Variants in RBM39 observed in about 807,000 individuals in gnomAD.
RBM39 encodes the protein RNA-binding protein 39.
RBM39 carries 12 observed loss-of-function variants against 79.6 expected under a neutral mutation model. That is an observed-to-expected ratio of 0.15 (90% confidence interval 0.10 to 0.24). The LOEUF (loss-of-function observed/expected upper bound fraction) is 0.24. Ranked by LOEUF, RBM39 falls within the 10% of genes least tolerant of loss-of-function variation. The pLI, the probability that RBM39 is intolerant of heterozygous loss-of-function variation, is 1.00. For missense variants in RBM39, 243 were observed against 653.4 expected (o/e 0.37, Z 6.85); for synonymous variants, 185 against 208.4 (o/e 0.89, Z 0.97).
intron 4 of RBM39, 126 bp from the exon 5 acceptor site, chr20:35,729,653 A>C: frequency 1.2e-6 from 1 of 802,848 alleles, no homozygotes; most frequent in Non-Finnish European, 2.0e-6. Context: ...TATGAAGAGG[A>C]AACAAAAATA....
chr20:35,739,913 A>C (rs781673118), intron 2 of RBM39: 4 of 165,584 alleles, frequency 2.4e-5, no homozygotes, highest in Non-Finnish European at 5.3e-5. Context: ...GTGCTAACTT[A>C]CAAAGCTTAC....
At chr20:35,729,784 C>A (rs2146672275) in intron 4 of RBM39, among the ~76,000 whole-genome samples, 1 of 151,750 alleles carries the variant, frequency 6.6e-6, no homozygotes. Flanking sequence ...AATGCACACA[C>A]CCATTTTCAG....
intron 3 of RBM39, 76 bp downstream of exon 3, chr20:35,738,892 C>T: frequency 2.3e-6 from 3 of 1,294,920 alleles, no homozygotes. Flanking sequence ...TATACTTTAG[C>T]CACAGGAACA....
At chr20:35,709,492 T>C (rs78361093) in intron 12 of RBM39, among the ~76,000 whole-genome samples, 10,651 of 152,164 alleles carry the variant, frequency 0.07, 482 homozygotes, top group Middle Eastern at 0.11. Flanking sequence ...CTTCCTAGAC[T>C]AGACTACTCT....
rs2039423673 is a variant in RBM39 at position 35,732,045 on chromosome 20, T to C, written c.192A>G (p.Lys64=). 8 of 1,614,150 alleles carry C rather than the reference T, an allele frequency of 5.0e-6. No individual in the cohort carries two copies. Among genetic ancestry groups the C allele is most frequent in the Non-Finnish European group, 6.8e-6 (8 of 1,180,042 alleles). ...GCTTTCTTTCACGGCTTTTGCTCTT[T>C]TTCCTTTCTCTGTCTCTACTTCGCT... ...ERKRSRDRER[K]KSKSRERKRS... is the part of the protein sequence containing the mutation. The change falls in exon 4 of 17, where the codon AAA becomes AAG. Residue 64 remains lysine (K), a synonymous_variant. Transcript: ENST00000253363.
intron 12 of RBM39, among the ~76,000 whole-genome samples, chr20:35,711,811 C>A (rs2425081): frequency 0.19 from 28,438 of 152,168 alleles, 3,063 homozygotes; most frequent in African/African-American, 0.31. Flanking sequence ...GGTCTAAAAT[C>A]TATCTTCTCA....
chr20:35,705,106 GCA>G (rs59511225), intron 15 of RBM39, 117 bp downstream of exon 15: 40 of 670,938 alleles, frequency 6.0e-5, no homozygotes, highest in Admixed American at 1.0e-4. Flanking sequence ...CTACTTTCAG[GCA>G]CACACACACA....
intron 6 of RBM39, among the ~76,000 whole-genome samples, chr20:35,725,652 ATTTTCTTT>A (rs1018391964): frequency 3.1e-5 from 4 of 129,546 alleles, no homozygotes; most frequent in African/African-American, 1.2e-4. Flanking sequence ...TCCCAAACCC[ATTTTCTTT>A]TTTTTTTTTT....
intron 6 of RBM39, among the ~76,000 whole-genome samples, chr20:35,728,766 G>A (rs1309826704): frequency 3.3e-5 from 5 of 151,940 alleles, no homozygotes; most frequent in African/African-American, 1.2e-4. Context: ...GACAGAGCGA[G>A]ACTCCATCTC....
intron 3 of RBM39, chr20:35,732,796 AAAAT>A (rs1444785512): frequency 6.6e-6 from 1 of 152,276 alleles, no homozygotes; most frequent in Non-Finnish European, 1.5e-5. Flanking sequence ...TGTAATCCAC[AAAAT>A]AAATTAATAA....
At chr20:35,740,011 G>C (rs2040355462) in intron 2 of RBM39, 1 of 157,278 alleles carries the variant, frequency 6.4e-6, no homozygotes. Flanking sequence ...CTTTTACTGA[G>C]ATACCGAAAT....
chr20:35,718,975 AAAT>A (rs1404355906), intron 9 of RBM39, among the ~76,000 whole-genome samples: 2 of 152,070 alleles, frequency 1.3e-5, no homozygotes, highest in African/African-American at 2.4e-5. Context: ...ACTCCAAAAA[AAAT>A]AATAAAATAA....
At position 35,705,231 on chromosome 20, in the gene RBM39, T is replaced by A; in HGVS notation, c.1407A>T (p.Ser469=). The A allele has an allele frequency of 6.5e-7, 1 of 1,545,100 alleles. No homozygotes were observed. The highest frequency in any genetic ancestry group is 2.3e-5 in the East Asian group (1 of 43,540). ...TAAAAAAAGATGAAAATACCTGAGC[T>A]GAATTTTTGTCAACATAAATATGAA... is the stretch of plus-strand genomic sequence containing the variant. ...GVIHIYVDKN[S]AQGNVYVKCP... is the part of the protein sequence containing the mutation. The change falls in exon 15 of 17, where the codon TCA becomes TCT. Residue 469 remains serine, a synonymous_variant. Transcript: ENST00000253363.
intron 11 of RBM39, 72 bp from the exon 12 acceptor site, chr20:35,713,168 T>C: frequency 1.6e-6 from 2 of 1,280,412 alleles, no homozygotes; most frequent in Non-Finnish European, 2.2e-6. Flanking sequence ...GTCATTAATA[T>C]CATGATCACT....
At chr20:35,719,453 A>ACACTTTGGGACAC (rs2037616645) in intron 9 of RBM39, among the ~76,000 whole-genome samples, 1 of 152,100 alleles carries the variant, frequency 6.6e-6, no homozygotes. Flanking sequence ...TGTAATGACA[A>ACACTTTGGGACAC]CACTTTGGGA....
chr20:35,734,147 C>T, intron 3 of RBM39: 1 of 1,223,482 alleles, frequency 8.2e-7, no homozygotes, highest in Non-Finnish European at 1.1e-6. Flanking sequence ...AGCAGGTCAT[C>T]TTTAGAGTGC....
At chr20:35,737,848 CAAAAAAAAAA>C (rs35300439) in intron 3 of RBM39, among the ~76,000 whole-genome samples, 10 of 40,428 alleles carry the variant, frequency 2.5e-4, no homozygotes, top group East Asian at 1.9e-3. Flanking sequence ...GACTCCGTGT[CAAAAAAAAAA>C]AAAAAAAAAA....
At chr20:35,736,031 C>T (rs1224806363) in intron 3 of RBM39, among the ~76,000 whole-genome samples, 2 of 152,190 alleles carry the variant, frequency 1.3e-5, no homozygotes, top group Non-Finnish European at 2.9e-5. Context: ...GACAATGGTA[C>T]AGTAACGAAG....
rs58047560 is a variant in RBM39 at position 35,737,389 on chromosome 20, CAA to C, written c.101+1577_101+1578del. ...TGGGCAACAGACTGAAACTCCATCT[CAA>C]AAAAAAAAAAAAAAAAAAATTAGCC... On this transcript the variant is annotated intron_variant, in intron 3 of 16. Transcript: ENST00000253363. Among the ~76,000 whole-genome samples, 513 of 62,208 alleles carry C rather than the reference CAA, an allele frequency of 8.2e-3. 4 individuals carry two copies. Among genetic ancestry groups the C allele is most frequent in the African/African-American group, 0.026 (459 of 17,628 alleles). 40.8% of individuals were successfully genotyped at this position (62,208 alleles called of 152,430 possible).
Sources: gnomAD v4.1 joint callset for allele counts (sites outside exome capture counted in the v4.1 genomes callset) on GRCh38, gnomAD v4.1.1 for gene constraint, MANE v1.5 for transcripts, NCBI Gene and HGNC (gene_info 2026-07-23, HGNC 2026-07-21) for gene names.